The following CDON variants were observed in gnomAD, a reference collection of about 807,000 sequenced individuals.
CDON encodes the protein cell adhesion molecule-related/down-regulated by oncogenes.
CDON carries 73 observed loss-of-function variants against 120.9 expected under a neutral mutation model. The ratio of observed to expected loss-of-function variants is 0.60; its 90% CI spans 0.50 to 0.73. The LOEUF is 0.73. Among genes scored for constraint, CDON ranks in the 30% least tolerant of loss-of-function variants. The pLI, the probability that CDON is intolerant of heterozygous loss-of-function variation, is 0.00. For synonymous variants in CDON, 566 were observed against 573.5 expected, an observed-to-expected ratio of 0.99 and a Z score of 0.19; for missense variants, 1,470 against 1,587.3, an observed-to-expected ratio of 0.93 and a Z score of 1.26.
chr11:126,047,933 A>G (rs1173024675), intron 1 of CDON, among the ~76,000 whole-genome samples: 5 of 152,206 alleles, frequency 3.3e-5, no homozygotes, highest in Admixed American at 6.5e-5. Flanking sequence ...TTTCAATCCC[A>G]TATCTACTTC....
At chr11:126,058,889 G>A (rs1006617262) in intron 1 of CDON, among the ~76,000 whole-genome samples, 2 of 152,202 alleles carry the variant, frequency 1.3e-5, no homozygotes, top group Non-Finnish European at 2.9e-5. Context: ...GTTTTTGGCA[G>A]ATAGATTTTC....
chr11:126,041,500 CAT>C (rs1948262042), intron 1 of CDON, among the ~76,000 whole-genome samples: 2 of 152,178 alleles, frequency 1.3e-5, no homozygotes, highest in Non-Finnish European at 2.9e-5. Flanking sequence ...TTTTACTGAA[CAT>C]AGTTGGGCTT....
intron 1 of CDON, among the ~76,000 whole-genome samples, chr11:126,051,869 GA>G (rs1354241189): frequency 1.3e-5 from 2 of 151,792 alleles, no homozygotes; most frequent in African/African-American, 4.8e-5. Flanking sequence ...GGCTGGTCTT[GA>G]ACTCCTGACC....
intron 1 of CDON, among the ~76,000 whole-genome samples, chr11:126,029,968 C>T (rs1338408577): frequency 6.6e-6 from 1 of 152,200 alleles, no homozygotes; most frequent in African/African-American, 2.4e-5. Context: ...TTGCTCAATG[C>T]TGTAAAAATC....
chr11:126,051,419 G>C (rs1948554897), intron 1 of CDON, among the ~76,000 whole-genome samples: 1 of 152,106 alleles, frequency 6.6e-6, no homozygotes, highest in African/African-American at 2.4e-5. Context: ...GATTTACCAA[G>C]GTTCACATTT....
Position 125,956,863 on chromosome 11 carries a change from G to C in CDON, c.*4079C>G, listed in dbSNP as rs888860458. 25 of 985,750 alleles carry C rather than the reference G, an allele frequency of 2.5e-5. No homozygotes were observed. Among genetic ancestry groups the C allele is most frequent in the Non-Finnish European group, 2.6e-5 (22 of 830,308 alleles). The allele number at this position is 985,750 out of a possible 1,614,324, so 61.1% of individuals were successfully genotyped here. ...TAGACTTTATTAGATAAGGGGTTTC[G>C]GCTACCCTCAAAGCTCTCAGGACTG... is the stretch of plus-strand genomic sequence containing the variant. On this transcript the variant is annotated 3_prime_UTR_variant, in exon 20 of 20. Coordinates refer to ENST00000531738, the MANE Select transcript of CDON (RefSeq NM_001378964.1).
intron 1 of CDON, among the ~76,000 whole-genome samples, chr11:126,044,642 A>C (rs1327143669): frequency 6.6e-6 from 1 of 152,238 alleles, no homozygotes; most frequent in Admixed American, 6.5e-5. Context: ...AGGCACAGGA[A>C]GACAAATTTC....
intron 11 of CDON, among the ~76,000 whole-genome samples, chr11:126,001,310 C>T (rs1042950769): frequency 1.3e-5 from 2 of 151,862 alleles, no homozygotes; most frequent in Non-Finnish European, 2.9e-5. Context: ...ACCTTGGCCT[C>T]CTGAGTAGCT....
intron 16 of CDON, 151 bp from the exon 17 acceptor site, chr11:125,981,480 AG>A (rs1478179918): frequency 2.1e-5 from 17 of 798,956 alleles, no homozygotes; most frequent in African/African-American, 3.4e-5. Flanking sequence ...CTTGCTGAGA[AG>A]GTCTTACAGA....
intron 15 of CDON, among the ~76,000 whole-genome samples, chr11:125,989,089 T>C (rs1021097547): frequency 1.3e-5 from 2 of 152,130 alleles, no homozygotes; most frequent in African/African-American, 4.8e-5. Context: ...GTGATTTACT[T>C]AGAGTCACAC....
intron 18 of CDON, among the ~76,000 whole-genome samples, chr11:125,970,172 GT>G (rs36021097): frequency 2.6e-3 from 271 of 103,180 alleles, no homozygotes; most frequent in Non-Finnish European, 3.2e-3. Flanking sequence ...GGTAGTTTAT[GT>G]TTTTTTTTTT....
chr11:125,971,366 C>G lies in CDON; in HGVS notation c.3356+6938G>C, dbSNP rs767205089. On this transcript the variant is annotated intron_variant, in intron 18 of 19. Coordinates refer to ENST00000531738, the MANE Select transcript of CDON (RefSeq NM_001378964.1). ...CCACTGCACTCCAGCCTGGGCGACA[C>G]AGCGAGACTCTGTCTCTAAATAAAT... 1.9e-3 allele frequency among the ~76,000 whole-genome samples: 282 copies of G among 146,656 alleles called. 2 individuals carry two copies. Among genetic ancestry groups the G allele is most frequent in the African/African-American group, 4.8e-3 (191 of 40,168 alleles).
intron 2 of CDON, 39 bp downstream of exon 2, chr11:126,023,362 G>C (rs1947691373): frequency 7.8e-7 from 1 of 1,287,986 alleles, no homozygotes; most frequent in Non-Finnish European, 1.1e-6. Flanking sequence ...ATTAAGATGA[G>C]TAAAGGCCAA....
At position 126,016,965 on chromosome 11, in the gene CDON, G is replaced by C. The variant is rs1220208571; in HGVS notation, c.928+123C>G. 3 of 787,296 alleles carry C rather than the reference G, an allele frequency of 3.8e-6. No homozygotes were observed. The African/African-American group carries it at 5.2e-5, about 14-fold the overall frequency. 48.8% of individuals were successfully genotyped at this position (787,296 alleles called of 1,614,324 possible). ...CCATTATAAAAATGAAACTTGTTCT[G>C]GCTAGGGTATAGATAGTTCTAGATA... On this transcript the variant is annotated intron_variant, in intron 6 of 19. Transcript: ENST00000531738.
chr11:126,037,454 A>G (rs1322200242), intron 1 of CDON, among the ~76,000 whole-genome samples: 1 of 152,156 alleles, frequency 6.6e-6, no homozygotes, highest in Non-Finnish European at 1.5e-5. Context: ...TCTACAACCT[A>G]AAACTGCAAA....
rs1947281196 is a variant in CDON, at chr11:126,010,806, G to A, written c.1199-112C>T. 2.3e-5 allele frequency: 19 copies of A among 812,032 alleles called. No individual in the cohort carries two copies. The East Asian group carries it at 5.0e-4, about 22-fold the overall frequency. 50.3% of individuals were successfully genotyped at this position (812,032 alleles called of 1,614,324 possible). ...GGGAGTAATGATTAAAACCAAGATA[G>A]CTACCTCCTTATTAGTTCCCTTCTC... On this transcript the variant is annotated intron_variant, in intron 7 of 19. Coordinates refer to ENST00000531738, the MANE Select transcript of CDON (RefSeq NM_001378964.1).
At position 125,981,286 on chromosome 11, in the gene CDON, G is replaced by T. The variant is rs684805; in HGVS notation, c.3039C>A (p.Asn1013Lys). 3.7e-6 allele frequency: 6 copies of T among 1,613,766 alleles called. No homozygotes were observed. The Admixed American group carries it at 1.0e-4, about 27-fold the overall frequency. ...GAGTGGTGTAGTCCACCATCTGCCC[G>T]TTCATATCTGATCCTTGGTAGAGAT... ...PGYLYQGSDMNGQMVDYTTLS... is the reference protein window; with the variant it reads ...PGYLYQGSDMKGQMVDYTTLS... Residue 1013 changes from asparagine to lysine, a missense_variant, in exon 17 of 20, where the codon AAC becomes AAA. Physicochemically the swap from Asn to Lys is moderately conservative, Grantham distance 94. Transcript: ENST00000531738.
chr11:126,029,057 T>C (rs73021219), intron 1 of CDON, among the ~76,000 whole-genome samples: 8,372 of 152,074 alleles, frequency 0.055, 303 homozygotes, highest in Admixed American at 0.1. Flanking sequence ...ACAACCAAAA[T>C]TGGCACATGA....
At chr11:126,000,033 CCT>C (rs1467270378) in intron 11 of CDON, among the ~76,000 whole-genome samples, 11 of 152,158 alleles carry the variant, frequency 7.2e-5, no homozygotes, top group Admixed American at 7.2e-4. Flanking sequence ...TGCAGAGAAG[CCT>C]CTCTTATCTA....
Sources: gnomAD v4.1 joint callset for allele counts (sites outside exome capture counted in the v4.1 genomes callset) on GRCh38, gnomAD v4.1.1 for gene constraint, MANE v1.5 for transcripts, NCBI Gene and HGNC (gene_info 2026-07-23, HGNC 2026-07-21) for gene names.